The following NFXL1 variants were observed in gnomAD, a reference collection of about 807,000 sequenced individuals.
NFXL1 encodes NF-X1-type zinc finger protein NFXL1.
NFXL1 carries 66 observed loss-of-function variants against 123.3 expected under a neutral mutation model. The observed-to-expected ratio is 0.54, with a 90% CI of 0.44 to 0.66. The LOEUF (loss-of-function observed/expected upper bound fraction) is 0.66, where lower values mean the gene tolerates loss of function less well. Ranked by LOEUF, NFXL1 falls within the 30% of genes least tolerant of loss-of-function variation. The pLI is 0.00. For synonymous variants in NFXL1, 346 were observed against 360.8 expected (o/e 0.96, Z 0.46); for missense variants, 944 against 1,125.6 (o/e 0.84, Z 2.31).
At chr4:47,873,573 T>C (rs1442594309) in intron 18 of NFXL1, among the ~76,000 whole-genome samples, 1 of 152,230 alleles carries the variant, frequency 6.6e-6, no homozygotes, top group Non-Finnish European at 1.5e-5. Flanking sequence ...TTCTGATCAG[T>C]AGGTCTCAAC....
chr4:47,870,323 T>C (rs2110058252), intron 18 of NFXL1, among the ~76,000 whole-genome samples: 2 of 152,296 alleles, frequency 1.3e-5, no homozygotes, highest in East Asian at 3.9e-4. Context: ...CTAATGATTA[T>C]CTCCACAGAT....
chr4:47,914,270 G>A (rs565906645), intron 1 of NFXL1, 65 bp from the exon 2 acceptor site: 2 of 1,277,400 alleles, frequency 1.6e-6, no homozygotes, highest in Admixed American at 2.8e-5. Context: ...CGAGGCGAAG[G>A]AGGGTCAGTG....
At position 47,891,918 on chromosome 4, in the gene NFXL1, T is replaced by C. The variant is rs192500638; in HGVS notation, c.1453-1215A>G. Among the ~76,000 whole-genome samples the C allele has an allele frequency of 2.2e-4, 33 of 150,740 alleles. No homozygotes were observed. The East Asian group carries it at 4.3e-3, about 20-fold the overall frequency. On this transcript the variant is annotated intron_variant, in intron 11 of 22. Transcript: ENST00000507489. ...CACCACTGCACTCCAGCCTGGACGATAGAGTAAGACTCCGTCTCAAAAAAA... is the reference window on the plus strand; with the variant it reads ...CACCACTGCACTCCAGCCTGGACGACAGAGTAAGACTCCGTCTCAAAAAAA...
intron 4 of NFXL1, among the ~76,000 whole-genome samples, chr4:47,905,025 A>T (rs1455392764): frequency 6.6e-6 from 1 of 152,244 alleles, no homozygotes; most frequent in South Asian, 2.1e-4. Flanking sequence ...CAACTAAGTT[A>T]TATCAATAGT....
intron 14 of NFXL1, 120 bp downstream of exon 14, chr4:47,885,378 T>C: frequency 1.3e-6 from 1 of 798,744 alleles, no homozygotes; most frequent in Non-Finnish European, 2.0e-6. Flanking sequence ...CCTTGTACCC[T>C]GCTCCAAGCA....
intron 10 of NFXL1, among the ~76,000 whole-genome samples, chr4:47,894,809 C>T (rs758030781): frequency 2.4e-4 from 36 of 152,118 alleles, no homozygotes; most frequent in East Asian, 1.2e-3. Flanking sequence ...GACCTACTCT[C>T]GTTATAATGA....
chr4:47,855,231 C>T, intron 19 of NFXL1, 68 bp from the exon 20 acceptor site: 1 of 842,648 alleles, frequency 1.2e-6, no homozygotes, highest in African/African-American at 1.8e-5. Context: ...TCCCCCATAC[C>T]CCAACAATTT....
chr4:47,880,535 A>G (rs964005032), intron 15 of NFXL1, among the ~76,000 whole-genome samples: 9 of 151,860 alleles, frequency 5.9e-5, no homozygotes, highest in Admixed American at 3.9e-4. Context: ...ATACTCAATA[A>G]GAAAGCAAAT....
Position 47,894,262 on chromosome 4 carries a change from C to G in NFXL1, c.1370G>C (p.Arg457Pro), listed in dbSNP as rs1457122371. The change falls in exon 11 of 23, where the codon CGA (arginine) becomes CCA (proline). Residue 457 changes from arginine (R) to proline (P), a missense_variant. Physicochemically the swap from Arg to Pro is moderately radical, Grantham distance 103. Transcript: ENST00000507489. ...KHCRCGKHTK[R>P]MPCHKPYLCE... ...CAGATAAGGTTTATGACAAGGCATT[C>G]GTTTTGTATGCTTTCCACAGCGACA... The G allele has an allele frequency of 6.2e-7, 1 of 1,602,040 alleles. No homozygotes were observed. The highest frequency in any genetic ancestry group is 1.3e-5 in the African/African-American group (1 of 74,428).
chr4:47,871,180 C>A (rs562287370), intron 18 of NFXL1, among the ~76,000 whole-genome samples: 192 of 152,050 alleles, frequency 1.3e-3, no homozygotes, highest in African/African-American at 4.4e-3. Context: ...GAAACCCTGT[C>A]TCTACTAAAA....
intron 9 of NFXL1, among the ~76,000 whole-genome samples, chr4:47,897,247 G>A (rs981918994): frequency 1.3e-5 from 2 of 152,130 alleles, no homozygotes; most frequent in Non-Finnish European, 2.9e-5. Context: ...AGGAGTCTGA[G>A]GCTGCAGTGA....
At chr4:47,853,462 C>T (rs1008109780) in intron 20 of NFXL1, among the ~76,000 whole-genome samples, 1 of 151,842 alleles carries the variant, frequency 6.6e-6, no homozygotes, top group Non-Finnish European at 1.5e-5. Context: ...TTACAGATAC[C>T]TAGAATCACA....
intron 18 of NFXL1, among the ~76,000 whole-genome samples, chr4:47,865,755 C>T (rs1401337154): frequency 7.0e-6 from 1 of 143,498 alleles, no homozygotes; most frequent in Non-Finnish European, 1.5e-5. Flanking sequence ...CTTTCGGAGG[C>T]CGAGGAAGGT....
intron 12 of NFXL1, among the ~76,000 whole-genome samples, chr4:47,888,568 C>A (rs1736587493): frequency 1.3e-5 from 2 of 151,668 alleles, no homozygotes; most frequent in Admixed American, 6.6e-5. Context: ...CAAAAAAACA[C>A]CACTCTACCA....
At chr4:47,867,009 T>A (rs1038740439) in intron 18 of NFXL1, among the ~76,000 whole-genome samples, 4 of 152,226 alleles carry the variant, frequency 2.6e-5, no homozygotes, top group Admixed American at 1.3e-4. Context: ...GTGACTGGTT[T>A]GCCCTACACT....
At chr4:47,880,426 CAA>C (rs752132328) in intron 15 of NFXL1, among the ~76,000 whole-genome samples, 160 of 36,618 alleles carry the variant, frequency 4.4e-3, no homozygotes, top group Middle Eastern at 0.043. Flanking sequence ...GATCCAGTCT[CAA>C]AAAAAAAAAA....
At chr4:47,859,862 A>AAAAAG (rs1560581958) in intron 19 of NFXL1, among the ~76,000 whole-genome samples, 3 of 97,400 alleles carry the variant, frequency 3.1e-5, no homozygotes, top group African/African-American at 1.1e-4. Flanking sequence ...AAAAAAAAAA[A>AAAAAG]AAAAAAAACA....
intron 18 of NFXL1, among the ~76,000 whole-genome samples, chr4:47,871,350 C>CAAAA (rs373960425): frequency 7.1e-4 from 96 of 135,848 alleles, no homozygotes; most frequent in African/African-American, 2.3e-3. Flanking sequence ...GACTCCGTCT[C>CAAAA]AAAAAAAAAA....
At chr4:47,865,675 T>C (rs1443900086) in intron 18 of NFXL1, among the ~76,000 whole-genome samples, 1 of 152,086 alleles carries the variant, frequency 6.6e-6, no homozygotes, top group Non-Finnish European at 1.5e-5. Flanking sequence ...ACCACAGCAC[T>C]AACTAAAGGG....
Sources: gnomAD v4.1 joint callset for allele counts (sites outside exome capture counted in the v4.1 genomes callset) on GRCh38, gnomAD v4.1.1 for gene constraint, MANE v1.5 for transcripts, NCBI Gene and HGNC (gene_info 2026-07-23, HGNC 2026-07-21) for gene names.